The following SPIRE2 variants were observed in gnomAD, a reference collection of about 807,000 sequenced individuals.
SPIRE2 encodes spire type actin nucleation factor 2.
SPIRE2 carries 76 observed loss-of-function variants against 80.7 expected under a neutral mutation model. The ratio of observed to expected loss-of-function variants is 0.94; its 90% CI spans 0.78 to 1.14. The LOEUF is 1.14. Ranked by LOEUF, SPIRE2 falls within the 50% of genes most tolerant of loss-of-function variation. SPIRE2 has a pLI of 0.00. For missense variants in SPIRE2, 1,196 were observed against 1,015.3 expected, an observed-to-expected ratio of 1.18 and a Z score of -2.42; for synonymous variants, 535 against 432.6, an observed-to-expected ratio of 1.24 and a Z score of -2.94.
intron 10 of SPIRE2, 109 bp downstream of exon 10, chr16:89,860,904 G>A (rs1417879655): frequency 1.5e-6 from 1 of 673,384 alleles, no homozygotes. Flanking sequence ...TGTCTGGGGG[G>A]TGTGGCCTGA....
At chr16:89,839,137 C>T (rs919221717) in intron 1 of SPIRE2, among the ~76,000 whole-genome samples, 1 of 151,972 alleles carries the variant, frequency 6.6e-6, no homozygotes, top group Non-Finnish European at 1.5e-5. Flanking sequence ...GTCAGGAGAT[C>T]GAGACCATCC....
intron 1 of SPIRE2, among the ~76,000 whole-genome samples, chr16:89,839,730 C>T (rs1279841587): frequency 1.3e-5 from 2 of 152,200 alleles, no homozygotes; most frequent in Non-Finnish European, 2.9e-5. Context: ...TGTGTGAGGT[C>T]TTCCTCTGGG....
rs1327239194 is a variant in SPIRE2, at chr16:89,845,711, A to C, written c.288+346A>C. On this transcript the variant is annotated intron_variant, in intron 2 of 14. Transcript: ENST00000378247. Reference sequence around the variant, plus strand: ...GGTCAGGGAGACGACTTCAGGTGCAAACAGGAAAAATCAGCCTGGTGACCA... The same window carrying C: ...GGTCAGGGAGACGACTTCAGGTGCACACAGGAAAAATCAGCCTGGTGACCA... 19 of 646,154 alleles carry C rather than the reference A, an allele frequency of 2.9e-5. No homozygotes were observed. The African/African-American group carries it at 3.3e-4, about 11-fold the overall frequency. 40.0% of individuals were successfully genotyped at this position (646,154 alleles called of 1,614,324 possible). A position where few individuals can be genotyped will look rare whatever the true frequency, so the allele number is the denominator to read the frequency against.
chr16:89,865,608 C>T (rs571676818), intron 12 of SPIRE2, among the ~76,000 whole-genome samples: 3 of 152,242 alleles, frequency 2.0e-5, no homozygotes, highest in African/African-American at 4.8e-5. Context: ...AACTGTATCT[C>T]GCATCACATT....
intron 2 of SPIRE2, among the ~76,000 whole-genome samples, chr16:89,847,728 G>A (rs542821067): frequency 6.6e-6 from 1 of 152,334 alleles, no homozygotes; most frequent in South Asian, 2.1e-4. Context: ...TGCTGTGGGC[G>A]GGTGGAGGTG....
intron 1 of SPIRE2, among the ~76,000 whole-genome samples, chr16:89,832,615 A>C (rs1037512000): frequency 1.3e-4 from 19 of 151,984 alleles, no homozygotes; most frequent in Admixed American, 1.2e-3. Flanking sequence ...ACCTGCCCTC[A>C]CTGTCCCTGG....
chr16:89,845,588 C>T (rs777686399), intron 2 of SPIRE2: 16 of 702,998 alleles, frequency 2.3e-5, no homozygotes, highest in Middle Eastern at 4.6e-4. Context: ...GTGGTGCTTC[C>T]GGCCTGGAGG....
intron 1 of SPIRE2, among the ~76,000 whole-genome samples, chr16:89,843,301 G>C (rs531122049): frequency 6.6e-6 from 1 of 152,188 alleles, no homozygotes; most frequent in African/African-American, 2.4e-5. Flanking sequence ...GAAACGGGAA[G>C]TGGAGCAACC....
intron 1 of SPIRE2, among the ~76,000 whole-genome samples, chr16:89,829,172 CAGGAA>C (rs2041355775): frequency 6.6e-6 from 1 of 152,182 alleles, no homozygotes; most frequent in African/African-American, 2.4e-5. Flanking sequence ...CTGCCTTCAG[CAGGAA>C]AGGAGACAGA....
intron 1 of SPIRE2, among the ~76,000 whole-genome samples, chr16:89,840,635 A>AT: frequency 8.0e-6 from 1 of 124,422 alleles, no homozygotes; most frequent in African/African-American, 3.4e-5. Flanking sequence ...AAAGTTTTCA[A>AT]ATTTTTTTTT....
Position 89,857,674 on chromosome 16 carries a change from G to A in SPIRE2, c.1103-664G>A, listed in dbSNP as rs1048044563. ...CAACCTCCACCTCCTGGGTTCAAGC[G>A]ATTCTCCTGCCTCAGCCTCCCGGGT... On this transcript the variant is annotated intron_variant, in intron 7 of 14. Transcript: ENST00000378247. Among the ~76,000 whole-genome samples the A allele has an allele frequency of 1.4e-4, 20 of 146,834 alleles. No individual in the cohort carries two copies. The South Asian group carries it at 1.5e-3, about 11-fold the overall frequency.
rs192097773 is a variant in SPIRE2 at position 89,851,520 on chromosome 16, G to A, written c.645+860G>A. ...GGCTCTAAGGCTGGGACCCTTGCCC[G>A]AAGCCACAAAGCAAGAGTCGGGCAG... On this transcript the variant is annotated intron_variant, in intron 3 of 14. Transcript: ENST00000378247. Among the ~76,000 whole-genome samples the A allele has an allele frequency of 3.9e-5, 6 of 152,254 alleles. No individual in the cohort carries two copies. The East Asian group carries it at 5.8e-4, about 15-fold the overall frequency.
At chr16:89,847,361 G>A (rs1402359311) in intron 2 of SPIRE2, among the ~76,000 whole-genome samples, 3 of 152,204 alleles carry the variant, frequency 2.0e-5, no homozygotes, top group South Asian at 2.1e-4. Context: ...CGTTGTACAC[G>A]GGACAGTTTA....
At chr16:89,842,315 C>T (rs2041514394) in intron 1 of SPIRE2, among the ~76,000 whole-genome samples, 1 of 146,414 alleles carries the variant, frequency 6.8e-6, no homozygotes, top group Non-Finnish European at 1.5e-5. Context: ...TGGGTTCAAG[C>T]GATTCTCCTC....
At chr16:89,842,509 G>A (rs940895592) in intron 1 of SPIRE2, among the ~76,000 whole-genome samples, 6 of 152,108 alleles carry the variant, frequency 3.9e-5, no homozygotes, top group African/African-American at 1.4e-4. Context: ...CACCGTGCCC[G>A]GCCGTGAACA....
intron 12 of SPIRE2, among the ~76,000 whole-genome samples, chr16:89,865,921 T>C (rs1378791207): frequency 1.5e-5 from 2 of 134,040 alleles, no homozygotes; most frequent in African/African-American, 5.8e-5. Context: ...TGAGCCGAGA[T>C]CGCGCCACTG....
Position 89,858,087 on chromosome 16 carries a change from A to G in SPIRE2, c.1103-251A>G, listed in dbSNP as rs555613257. 2.9e-4 allele frequency among the ~76,000 whole-genome samples: 44 copies of G among 149,950 alleles called. No homozygotes were observed. In the South Asian group the frequency reaches 4.0e-3, roughly 14 times the overall value. Reference sequence around the variant, plus strand: ...TTTTTAGTAGAGACAGGGTTTCACCATGTTAGCCAGGATGGTCTCGATCTC... The same window carrying G: ...TTTTTAGTAGAGACAGGGTTTCACCGTGTTAGCCAGGATGGTCTCGATCTC... On this transcript the variant is annotated intron_variant, in intron 7 of 14. Transcript: ENST00000378247.
chr16:89,869,910 A>C, intron 14 of SPIRE2, 140 bp from the exon 15 acceptor site: 1 of 753,650 alleles, frequency 1.3e-6, no homozygotes, highest in Non-Finnish European at 2.2e-6. Flanking sequence ...GAACACTGCT[A>C]GCTGTGTTTG....
rs552174112 is a variant in SPIRE2, at chr16:89,845,446, T to G, written c.288+81T>G. ...CTTAAAATGTAAATCATAAAACATA[T>G]ATAGTTACACAGTTGTTTCAGGGAG... On this transcript the variant is annotated intron_variant, in intron 2 of 14. Coordinates refer to ENST00000378247, the MANE Select transcript of SPIRE2 (RefSeq NM_032451.2). The G allele has an allele frequency of 3.9e-6, 5 of 1,276,906 alleles. No homozygotes were observed. The South Asian group carries it at 4.8e-5, about 12-fold the overall frequency. The allele number at this position is 1,276,906 out of a possible 1,614,324, so 79.1% of individuals were successfully genotyped here.
Sources: allele counts gnomAD v4.1 joint callset (sites outside exome capture counted in the v4.1 genomes callset), GRCh38; gene constraint gnomAD v4.1.1; transcripts MANE v1.5; gene names NCBI Gene and HGNC (gene_info 2026-07-23, HGNC 2026-07-21).